The following NPAT variants were observed in gnomAD, a reference collection of about 807,000 sequenced individuals.
The protein encoded by NPAT is nuclear protein, coactivator of histone transcription, also known as protein NPAT.
NPAT carries 52 observed loss-of-function variants against 130.7 expected under a neutral mutation model. The observed-to-expected ratio is 0.40, with a 90% CI of 0.32 to 0.50. The LOEUF (loss-of-function observed/expected upper bound fraction) is 0.50, where lower values mean the gene tolerates loss of function less well. Ranked by LOEUF, NPAT falls within the 20% of genes least tolerant of loss-of-function variation. The probability of loss-of-function intolerance (pLI) is 0.68; values close to 1 mark genes in which losing one functional copy is unlikely to be tolerated. For missense variants in NPAT, 1,687 were observed against 1,662.6 expected, an observed-to-expected ratio of 1.01 and a Z score of -0.26; for synonymous variants, 580 against 584.8, an observed-to-expected ratio of 0.99 and a Z score of 0.12.
chr11:108,192,895 G>A (rs949816198), intron 3 of NPAT, among the ~76,000 whole-genome samples: 3 of 152,002 alleles, frequency 2.0e-5, no homozygotes, highest in African/African-American at 7.3e-5. Flanking sequence ...CGGAGGTTGC[G>A]GTGAGCCGAG....
intron 5 of NPAT, among the ~76,000 whole-genome samples, chr11:108,190,089 A>G (rs1591402733): frequency 6.6e-6 from 1 of 152,072 alleles, no homozygotes; most frequent in East Asian, 1.9e-4. Context: ...AGGCAGGCGG[A>G]CCATGGGGTC....
At chr11:108,172,051 C>CA in intron 13 of NPAT, 148 bp downstream of exon 13, 1 of 701,136 alleles carries the variant, frequency 1.4e-6, no homozygotes, top group Non-Finnish European at 2.5e-6. Flanking sequence ...AATTAGCTAG[C>CA]ATAAAGAAGC....
At chr11:108,186,053 G>A (rs1005054169) in intron 8 of NPAT, among the ~76,000 whole-genome samples, 1 of 151,614 alleles carries the variant, frequency 6.6e-6, no homozygotes, top group South Asian at 2.1e-4. Flanking sequence ...GTCTGACTCT[G>A]TCACCCAGGC....
chr11:108,165,097 G>C (rs911467640), intron 15 of NPAT, among the ~76,000 whole-genome samples: 6 of 152,074 alleles, frequency 3.9e-5, no homozygotes, highest in African/African-American at 1.2e-4. Context: ...TGGGCATTTT[G>C]TCATTCACAA....
At chr11:108,166,938 G>T (rs2077907576) in intron 15 of NPAT, among the ~76,000 whole-genome samples, 1 of 152,038 alleles carries the variant, frequency 6.6e-6, no homozygotes, top group Non-Finnish European at 1.5e-5. Context: ...CTTTATGAAA[G>T]ATTTCAAATA....
intron 1 of NPAT, among the ~76,000 whole-genome samples, chr11:108,201,737 A>G (rs1367354146): frequency 6.6e-6 from 1 of 152,228 alleles, no homozygotes; most frequent in African/African-American, 2.4e-5. Flanking sequence ...GGCTCTGGGT[A>G]GTGGATGACC....
At chr11:108,168,779 T>C (rs981774507) in intron 15 of NPAT, among the ~76,000 whole-genome samples, 2 of 152,102 alleles carry the variant, frequency 1.3e-5, no homozygotes, top group African/African-American at 2.4e-5. Context: ...AGAGATAGCA[T>C]TGGTAAAAGG....
intron 12 of NPAT, among the ~76,000 whole-genome samples, chr11:108,175,241 T>C (rs148074097): frequency 6.6e-6 from 1 of 152,370 alleles, no homozygotes; most frequent in Admixed American, 6.5e-5. Context: ...AACTTTAAAT[T>C]AAACTTTACC....
intron 1 of NPAT, among the ~76,000 whole-genome samples, chr11:108,220,618 A>C (rs933203166): frequency 1.3e-5 from 2 of 152,204 alleles, no homozygotes; most frequent in African/African-American, 4.8e-5. Flanking sequence ...ATAGGAAAAG[A>C]ATCATGAGTA....
intron 1 of NPAT, among the ~76,000 whole-genome samples, chr11:108,213,591 G>A (rs938194244): frequency 2.0e-5 from 3 of 152,064 alleles, no homozygotes; most frequent in African/African-American, 7.2e-5. Flanking sequence ...AAAATTCACC[G>A]ATACATTCAA....
intron 10 of NPAT, among the ~76,000 whole-genome samples, chr11:108,181,003 A>G (rs1458776849): frequency 1.3e-5 from 2 of 152,198 alleles, no homozygotes; most frequent in Non-Finnish European, 2.9e-5. Flanking sequence ...ATCAAAACAG[A>G]AAGTAGAATG....
chr11:108,173,619 T>G lies in NPAT; in HGVS notation c.1365A>C (p.Gln455His). The G allele has an allele frequency of 6.2e-7, 1 of 1,614,138 alleles. No individual in the cohort carries two copies. The highest frequency in any genetic ancestry group is 1.1e-5 in the South Asian group (1 of 91,078). Residue 455 changes from glutamine (Q) to histidine (H), a missense_variant, in exon 13 of 18, where the codon CAA becomes CAC. Gln to His is a conservative substitution (Grantham distance 24, BLOSUM62 0). This residue lies in a region of NPAT where 1,379 missense variants were observed against 1,346.6 expected (regional missense o/e 1.02). Transcript: ENST00000278612. ...ESVPNLNDFN[Q>H]RGNSNAECNP... ...TACATTCAGCATTAGAATTCCCTCT[T>G]TGGTTAAAGTCATTCAAATTAGGCA...
intron 11 of NPAT, 55 bp downstream of exon 11, chr11:108,176,933 AAGTTAC>A: frequency 9.4e-7 from 1 of 1,060,822 alleles, no homozygotes; most frequent in East Asian, 2.4e-5. Context: ...CACTCTGGTT[AAGTTAC>A]CAAAGAAATT....
intron 1 of NPAT, among the ~76,000 whole-genome samples, chr11:108,201,196 T>A (rs1400782493): frequency 6.6e-6 from 1 of 152,210 alleles, no homozygotes; most frequent in Non-Finnish European, 1.5e-5. Flanking sequence ...GGTCTAGTCT[T>A]GTCAGAGGGG....
At position 108,172,319 on chromosome 11, in the gene NPAT, C is replaced by A; in HGVS notation, c.2665G>T (p.Val889Leu). ...GTSVSQSNVV[V>L]LPGNSAPMTA... ...ATAGGTGCAGAATTTCCAGGCAACACCACTACATTAGACTGACTTACAGAT... is the reference window on the plus strand; with the variant it reads ...ATAGGTGCAGAATTTCCAGGCAACAACACTACATTAGACTGACTTACAGAT... Residue 889 changes from valine to leucine, a missense_variant, in exon 13 of 18, where the codon GTG (valine) becomes TTG (leucine). Around this residue, in one of 3 missense-constraint regions of NPAT, gnomAD observed 1,379 missense variants for 1,346.6 expected, o/e 1.02. Transcript: ENST00000278612. 6.2e-7 allele frequency: 1 copy of A among 1,614,182 alleles called. No individual in the cohort carries two copies.
At chr11:108,181,435 AGCCAGGGT>A (rs1018762684) in intron 10 of NPAT, among the ~76,000 whole-genome samples, 1 of 151,730 alleles carries the variant, frequency 6.6e-6, no homozygotes, top group African/African-American at 2.4e-5. Context: ...ACTGCATTCC[AGCCAGGGT>A]GACAGAGCGA....
chr11:108,165,919 C>T lies in NPAT; in HGVS notation c.3011-3739G>A, dbSNP rs527387500. Reference sequence around the variant, plus strand: ...AAGTGCTGGGATTACAGGCGTGAGCCACCACGCCCAGCCCATACCTGGCTA... The same window carrying T: ...AAGTGCTGGGATTACAGGCGTGAGCTACCACGCCCAGCCCATACCTGGCTA... On this transcript the variant is annotated intron_variant, in intron 15 of 17. Coordinates refer to ENST00000278612, the MANE Select transcript of NPAT (RefSeq NM_002519.3). Among the ~76,000 whole-genome samples the T allele has an allele frequency of 3.2e-4, 48 of 150,462 alleles. 1 individual carries two copies. The highest frequency in any genetic ancestry group is 2.8e-3 in the Admixed American group (43 of 15,090).
At chr11:108,166,641 C>T (rs1399714421) in intron 15 of NPAT, among the ~76,000 whole-genome samples, 4 of 152,134 alleles carry the variant, frequency 2.6e-5, no homozygotes, top group Non-Finnish European at 4.4e-5. Context: ...TGTACAAGGT[C>T]TCTTTCTAAA....
intron 3 of NPAT, 127 bp downstream of exon 3, chr11:108,193,830 T>C (rs2078194489): frequency 4.7e-6 from 3 of 634,172 alleles, no homozygotes; most frequent in Non-Finnish European, 5.6e-6. Context: ...TTTATCTCAT[T>C]ACAACAGGGA....
Sources: allele counts gnomAD v4.1 joint callset (sites outside exome capture counted in the v4.1 genomes callset), GRCh38; gene constraint gnomAD v4.1.1; regional missense constraint gnomAD v4.1.1; transcripts MANE v1.5; gene names NCBI Gene and HGNC (gene_info 2026-07-23, HGNC 2026-07-21).